COL22A1: variants seen among roughly 807,000 people sequenced by gnomAD.
The protein encoded by COL22A1 is collagen alpha-1(XXII) chain.
A neutral mutation model predicts 248.9 loss-of-function variants in COL22A1; 221 were observed. The observed-to-expected ratio is 0.89, with a 90% CI of 0.80 to 0.99. COL22A1 has a LOEUF of 0.99. COL22A1 is among the 50% of genes least tolerant of loss of function. The probability of loss-of-function intolerance (pLI) is 0.00; values close to 1 mark genes in which losing one functional copy is unlikely to be tolerated. For missense variants in COL22A1, 2,240 were observed against 2,179.0 expected, an observed-to-expected ratio of 1.03 and a Z score of -0.56; for synonymous variants, 891 against 793.4, an observed-to-expected ratio of 1.12 and a Z score of -2.07.
intron 47 of COL22A1, among the ~76,000 whole-genome samples, chr8:138,642,434 T>C (rs148979140): frequency 3.1e-3 from 471 of 152,268 alleles, no homozygotes; most frequent in African/African-American, 0.01. Flanking sequence ...CAGGGTTAGA[T>C]CACATGCCCC....
chr8:138,789,731 G>A (rs1035707950), intron 12 of COL22A1, among the ~76,000 whole-genome samples: 4 of 152,218 alleles, frequency 2.6e-5, no homozygotes, highest in Admixed American at 6.5e-5. Flanking sequence ...TGTGTCTTGT[G>A]TCAGGTGGAT....
At chr8:138,682,993 C>T (rs1462931966) in intron 39 of COL22A1, among the ~76,000 whole-genome samples, 1 of 152,158 alleles carries the variant, frequency 6.6e-6, no homozygotes, top group African/African-American at 2.4e-5. Context: ...GCCACCGCAC[C>T]CGGCCCTACA....
intron 44 of COL22A1, among the ~76,000 whole-genome samples, chr8:138,659,505 G>A (rs1475050586): frequency 9.2e-5 from 14 of 152,290 alleles, no homozygotes; most frequent in Non-Finnish European, 2.1e-4. Context: ...TGAGGCCTGC[G>A]ATTCCCCAGT....
At chr8:138,643,655 T>TAGATAGATAGATAGAC in intron 47 of COL22A1, among the ~76,000 whole-genome samples, 1 of 109,764 alleles carries the variant, frequency 9.1e-6, no homozygotes, top group East Asian at 3.1e-4. Flanking sequence ...GATAGACAGA[T>TAGATAGATAGATAGAC]AGATAGATAG....
intron 12 of COL22A1, among the ~76,000 whole-genome samples, chr8:138,785,320 C>A (rs900156639): frequency 6.6e-6 from 1 of 152,218 alleles, no homozygotes; most frequent in Non-Finnish European, 1.5e-5. Flanking sequence ...ATGCTCCAAC[C>A]CCTACCTGCC....
At chr8:138,856,364 G>A (rs1822007661) in intron 3 of COL22A1, among the ~76,000 whole-genome samples, 1 of 152,190 alleles carries the variant, frequency 6.6e-6, no homozygotes, top group Non-Finnish European at 1.5e-5. Context: ...TCTGCAGTGG[G>A]GGTGCTGGCC....
chr8:138,891,556 G>A (rs766170989), intron 1 of COL22A1, among the ~76,000 whole-genome samples: 3 of 152,160 alleles, frequency 2.0e-5, no homozygotes, highest in Non-Finnish European at 2.9e-5. Context: ...TGAACAGTAG[G>A]CATAATTAGC....
At chr8:138,902,656 A>G (rs4489353) in intron 1 of COL22A1, among the ~76,000 whole-genome samples, 18,418 of 151,212 alleles carry the variant, frequency 0.12, 1,445 homozygotes, top group East Asian at 0.25. Context: ...CAGTGAGCCA[A>G]GATCACACCA....
intron 3 of COL22A1, among the ~76,000 whole-genome samples, chr8:138,863,501 A>G (rs567481782): frequency 1.5e-4 from 23 of 152,208 alleles, no homozygotes; most frequent in Admixed American, 5.9e-4. Context: ...CTAGGGGTAC[A>G]TGGATCATAG....
chr8:138,676,215 T>C (rs1045491562), intron 41 of COL22A1, among the ~76,000 whole-genome samples: 1 of 151,492 alleles, frequency 6.6e-6, no homozygotes, highest in African/African-American at 2.4e-5. Flanking sequence ...GCCAACACAG[T>C]GAAACCCCAT....
intron 10 of COL22A1, among the ~76,000 whole-genome samples, chr8:138,805,492 G>GGTGTGTGTGATGGT (rs1554631691): frequency 2.3e-4 from 20 of 88,240 alleles, no homozygotes; most frequent in African/African-American, 1.2e-3. Context: ...GGCATGTGAT[G>GGTGTGTGTGATGGT]GTGTGTGTGT....
At chr8:138,882,188 G>A (rs1824261355) in intron 2 of COL22A1, among the ~76,000 whole-genome samples, 1 of 152,042 alleles carries the variant, frequency 6.6e-6, no homozygotes, top group South Asian at 2.1e-4. Context: ...AACCCAGGAT[G>A]TGACTGACCA....
intron 17 of COL22A1, among the ~76,000 whole-genome samples, chr8:138,761,138 C>G (rs1186048230): frequency 3.3e-5 from 5 of 152,184 alleles, no homozygotes; most frequent in African/African-American, 1.2e-4. Context: ...ACCCTGAGAC[C>G]CTCGCCGGCC....
chr8:138,903,628 T>C (rs1029772994), intron 1 of COL22A1, among the ~76,000 whole-genome samples: 2 of 152,132 alleles, frequency 1.3e-5, no homozygotes, highest in African/African-American at 4.8e-5. Flanking sequence ...GGCCCACAAT[T>C]GCTTTTGTCT....
intron 27 of COL22A1, among the ~76,000 whole-genome samples, chr8:138,718,354 T>C (rs1829604982): frequency 6.6e-6 from 1 of 152,212 alleles, no homozygotes; most frequent in South Asian, 2.1e-4. Context: ...GTAGCACATT[T>C]GCAGTGGGAG....
At chr8:138,682,324 G>A (rs932784475) in intron 39 of COL22A1, among the ~76,000 whole-genome samples, 1 of 152,168 alleles carries the variant, frequency 6.6e-6, no homozygotes, top group African/African-American at 2.4e-5. Flanking sequence ...TGGCTCAAGG[G>A]ATGATGACGG....
rs527875016 is a variant in COL22A1 at position 138,590,783 on chromosome 8, C to A, written c.4693+641G>T. Reference sequence around the variant, plus strand: ...CTGGAATGTGATTATTGCTGCATTGCAGAGATCTTCCAACATGGCTACTGG... The same window carrying A: ...CTGGAATGTGATTATTGCTGCATTGAAGAGATCTTCCAACATGGCTACTGG... On this transcript the variant is annotated intron_variant, in intron 64 of 64. Transcript: ENST00000303045. Among the ~76,000 whole-genome samples the A allele has an allele frequency of 5.3e-5, 8 of 152,258 alleles. No homozygotes were observed. The East Asian group carries it at 1.5e-3, about 29-fold the overall frequency.
chr8:138,720,688 T>C (rs1829804598), intron 27 of COL22A1, 51 bp downstream of exon 27: 7 of 1,456,424 alleles, frequency 4.8e-6, no homozygotes, highest in South Asian at 2.3e-5. Context: ...CCACCCCAAA[T>C]AGACCACTCA....
intron 18 of COL22A1, among the ~76,000 whole-genome samples, chr8:138,759,898 T>G: frequency 6.6e-6 from 1 of 152,192 alleles, no homozygotes; most frequent in Non-Finnish European, 1.5e-5. Context: ...TTTTAATATT[T>G]ATTTATAGCC....
Sources: allele counts gnomAD v4.1 joint callset (sites outside exome capture counted in the v4.1 genomes callset), GRCh38; gene constraint gnomAD v4.1.1; transcripts MANE v1.5; gene names NCBI Gene and HGNC (gene_info 2026-07-23, HGNC 2026-07-21).